The following PRKCA variants were observed in gnomAD, a reference collection of about 807,000 sequenced individuals.
PRKCA encodes the protein protein kinase C alpha.
PRKCA carries 27 observed loss-of-function variants against 87.0 expected under a neutral mutation model. The observed-to-expected ratio is 0.31, with a 90% CI of 0.23 to 0.43. The LOEUF (loss-of-function observed/expected upper bound fraction) is 0.43. PRKCA is among the 20% of genes least tolerant of loss of function. The pLI, the probability that PRKCA is intolerant of heterozygous loss-of-function variation, is 1.00. For synonymous variants in PRKCA, 329 were observed against 311.1 expected (o/e 1.06, Z -0.61); for missense variants, 518 against 852.3 (o/e 0.61, Z 4.88).
At chr17:66,789,398 T>C (rs1043502027) in intron 16 of PRKCA, among the ~76,000 whole-genome samples, 14 of 152,180 alleles carry the variant, frequency 9.2e-5, no homozygotes, top group African/African-American at 3.1e-4. Context: ...CGAAGGGAGC[T>C]CTGAAGCACA....
At chr17:66,379,789 A>G (rs1034922202) in intron 2 of PRKCA, among the ~76,000 whole-genome samples, 47 of 152,170 alleles carry the variant, frequency 3.1e-4, no homozygotes, top group African/African-American at 1.0e-3. Context: ...CCAAGAAACC[A>G]TTGCCAAATC....
intron 3 of PRKCA, among the ~76,000 whole-genome samples, chr17:66,526,060 G>A (rs951714257): frequency 2.0e-5 from 3 of 152,058 alleles, no homozygotes; most frequent in Non-Finnish European, 2.9e-5. Context: ...AACATTTTTG[G>A]AAATTGTGTA....
rs188479768 is a variant in PRKCA at position 66,647,045 on chromosome 17, C to T, written c.529+1534C>T. 6.0e-3 allele frequency among the ~76,000 whole-genome samples: 910 copies of T among 152,284 alleles called. 26 individuals carry two copies. Among genetic ancestry groups the T allele is most frequent in the Admixed American group, 0.052 (793 of 15,284 alleles). On this transcript the variant is annotated intron_variant, in intron 5 of 16. Transcript: ENST00000413366. ...TGATGCTGTCCTTGGAATCCCTGCC[C>T]TTATCTGACAGCCAGGGCCCCTCTG...
chr17:66,523,858 G>T (rs957990763), intron 3 of PRKCA, among the ~76,000 whole-genome samples: 2 of 152,166 alleles, frequency 1.3e-5, no homozygotes, highest in African/African-American at 4.8e-5. Context: ...GAACAGAATT[G>T]CCTTCTGATG....
chr17:66,636,819 T>G (rs1256494501), intron 3 of PRKCA, among the ~76,000 whole-genome samples: 1 of 152,212 alleles, frequency 6.6e-6, no homozygotes, highest in Non-Finnish European at 1.5e-5. Context: ...GGTAAGAGCT[T>G]GTGCCGGGAC....
chr17:66,737,917 G>A (rs1461498012), intron 10 of PRKCA, among the ~76,000 whole-genome samples: 1 of 152,210 alleles, frequency 6.6e-6, no homozygotes, highest in Non-Finnish European at 1.5e-5. Context: ...GGCTCCCAGG[G>A]TTGCTTCCTG....
chr17:66,649,172 T>C (rs1971527196), intron 5 of PRKCA, among the ~76,000 whole-genome samples: 1 of 151,416 alleles, frequency 6.6e-6, no homozygotes, highest in African/African-American at 2.4e-5. Flanking sequence ...AAGAGCCAAA[T>C]AGAAGACATC....
chr17:66,442,004 C>T (rs1913789729), intron 2 of PRKCA, among the ~76,000 whole-genome samples: 1 of 151,908 alleles, frequency 6.6e-6, no homozygotes, highest in Non-Finnish European at 1.5e-5. Flanking sequence ...AGGGCCCCAA[C>T]TCTGCCAAGG....
intron 2 of PRKCA, among the ~76,000 whole-genome samples, chr17:66,308,514 A>G (rs1018100159): frequency 6.6e-5 from 10 of 152,168 alleles, no homozygotes; most frequent in African/African-American, 1.7e-4. Flanking sequence ...TGTGCTTTCT[A>G]TATAGTTCTT....
At position 66,804,093 on chromosome 17, in the gene PRKCA, A is replaced by G. The variant is rs1031524136; in HGVS notation, c.*56A>G. 1.3e-5 allele frequency: 20 copies of G among 1,563,572 alleles called. No homozygotes were observed. The highest frequency in any genetic ancestry group is 2.3e-5 in the East Asian group (1 of 44,014). Reference sequence around the variant, plus strand: ...GCCCCCAGCCCTCCCCGCAGTGGGAAGTGAATCCTTAACCCTAAAATTTTA... The same window carrying G: ...GCCCCCAGCCCTCCCCGCAGTGGGAGGTGAATCCTTAACCCTAAAATTTTA... On this transcript the variant is annotated 3_prime_UTR_variant, in exon 17 of 17. Transcript: ENST00000413366.
intron 8 of PRKCA, among the ~76,000 whole-genome samples, chr17:66,722,766 C>T (rs1973645829): frequency 6.6e-6 from 1 of 152,106 alleles, no homozygotes; most frequent in Non-Finnish European, 1.5e-5. Flanking sequence ...TTTTGAGGAA[C>T]CTAAAAATCC....
chr17:66,356,556 G>A (rs950989604), intron 2 of PRKCA, among the ~76,000 whole-genome samples: 9 of 152,076 alleles, frequency 5.9e-5, no homozygotes, highest in African/African-American at 2.2e-4. Context: ...CCCAGGAGGC[G>A]GAGGTTGCAG....
At chr17:66,735,052 T>C (rs1474565783) in intron 9 of PRKCA, among the ~76,000 whole-genome samples, 3 of 152,216 alleles carry the variant, frequency 2.0e-5, no homozygotes, top group African/African-American at 7.2e-5. Context: ...TTTGCCTGTA[T>C]CTCCATTCGG....
intron 5 of PRKCA, among the ~76,000 whole-genome samples, chr17:66,653,855 CT>C (rs1272351807): frequency 6.7e-6 from 1 of 150,212 alleles, no homozygotes; most frequent in Non-Finnish European, 1.5e-5. Flanking sequence ...AAACTACTTC[CT>C]TTAGTTTGTC....
intron 3 of PRKCA, among the ~76,000 whole-genome samples, chr17:66,517,008 T>G (rs1163344948): frequency 6.6e-6 from 1 of 151,958 alleles, no homozygotes; most frequent in African/African-American, 2.4e-5. Context: ...AGAATCGGAA[T>G]TGGCCGGTGG....
chr17:66,459,873 G>A (rs1214382397), intron 2 of PRKCA, among the ~76,000 whole-genome samples: 1 of 151,906 alleles, frequency 6.6e-6, no homozygotes, highest in Non-Finnish European at 1.5e-5. Flanking sequence ...AAGGGATGTG[G>A]CCTCCCAGCT....
chr17:66,558,690 G>T (rs573604381), intron 3 of PRKCA, among the ~76,000 whole-genome samples: 2 of 152,174 alleles, frequency 1.3e-5, no homozygotes, highest in Non-Finnish European at 2.9e-5. Flanking sequence ...GAGAGTAAGG[G>T]GGGGAGGGAG....
In PRKCA at chr17:66,808,382, C is replaced by T. The variant is rs1020332017; in HGVS notation, c.*4345C>T. On this transcript the variant is annotated 3_prime_UTR_variant, in exon 17 of 17. Coordinates refer to ENST00000413366, the MANE Select transcript of PRKCA (RefSeq NM_002737.3). ...TACTGAAAAGAGAAAAAGTGACAAT[C>T]TTGTATTTTTAAAAGCCTCGGAAAG... The T allele has an allele frequency of 7.2e-6, 1 of 137,942 alleles. No homozygotes were observed. The highest frequency in any genetic ancestry group is 1.5e-5 in the Non-Finnish European group (1 of 65,986). The allele number at this position is 137,942 out of a possible 1,614,324, so 8.5% of individuals were successfully genotyped here.
intron 2 of PRKCA, among the ~76,000 whole-genome samples, chr17:66,492,833 C>T (rs1323826212): frequency 6.6e-6 from 1 of 152,232 alleles, no homozygotes; most frequent in African/African-American, 2.4e-5. Flanking sequence ...GAGCTAAGCA[C>T]TGCCCTTTGA....
Sources: gnomAD v4.1 joint callset for allele counts (sites outside exome capture counted in the v4.1 genomes callset) on GRCh38, gnomAD v4.1.1 for gene constraint, MANE v1.5 for transcripts, NCBI Gene and HGNC (gene_info 2026-07-23, HGNC 2026-07-21) for gene names.